The following SLC4A1AP variants were observed in gnomAD, a reference collection of about 807,000 sequenced individuals.
SLC4A1AP encodes solute carrier family 4 member 1 adaptor protein, also known as kanadaptin.
A neutral mutation model predicts 89.7 loss-of-function variants in SLC4A1AP; 64 were observed. The ratio of observed to expected loss-of-function variants is 0.71; its 90% CI spans 0.58 to 0.88. The LOEUF (loss-of-function observed/expected upper bound fraction) is 0.88. Among genes scored for constraint, SLC4A1AP ranks in the 40% least tolerant of loss-of-function variants. The pLI is 0.00. For synonymous variants in SLC4A1AP, 366 were observed against 353.3 expected, an observed-to-expected ratio of 1.04 and a Z score of -0.40; for missense variants, 931 against 965.0, an observed-to-expected ratio of 0.96 and a Z score of 0.47.
intron 12 of SLC4A1AP, among the ~76,000 whole-genome samples, chr2:27,689,542 T>C (rs1476845426): frequency 1.3e-5 from 2 of 152,202 alleles, no homozygotes; most frequent in Non-Finnish European, 2.9e-5. Context: ...ACATGCTTAA[T>C]TCCCCTAAGA....
intron 9 of SLC4A1AP, among the ~76,000 whole-genome samples, chr2:27,684,761 C>CA (rs1675676785): frequency 6.6e-6 from 1 of 152,138 alleles, no homozygotes. Flanking sequence ...CTGTAGCTGG[C>CA]ACTCATCTGA....
chr2:27,684,146 G>T (rs1382719505), intron 9 of SLC4A1AP, among the ~76,000 whole-genome samples: 2 of 152,062 alleles, frequency 1.3e-5, no homozygotes, highest in Non-Finnish European at 2.9e-5. Context: ...GATAATATAG[G>T]CCGGGCGCGG....
exon 8 of SLC4A1AP, chr2:27,677,817 G>A: frequency 6.2e-7 from 1 of 1,613,770 alleles, no homozygotes; most frequent in Non-Finnish European, 8.5e-7. Flanking sequence ...TAGATGGTGT[G>A]TCCCGGAAGA....
At chr2:27,683,861 G>A (rs552804449) in intron 9 of SLC4A1AP, among the ~76,000 whole-genome samples, 10 of 152,058 alleles carry the variant, frequency 6.6e-5, no homozygotes, top group Non-Finnish European at 1.0e-4. Flanking sequence ...TCAGCTTCCC[G>A]AGTAGCTGGG....
intron 1 of SLC4A1AP, 36 bp downstream of exon 1, chr2:27,664,613 C>T (rs776075708): frequency 6.8e-7 from 1 of 1,470,314 alleles, no homozygotes; most frequent in Non-Finnish European, 9.4e-7. Flanking sequence ...ATTTCGGGTT[C>T]ATTGGACTGC....
intron 12 of SLC4A1AP, among the ~76,000 whole-genome samples, chr2:27,690,663 G>T (rs771401986): frequency 1.3e-4 from 20 of 151,880 alleles, no homozygotes; most frequent in South Asian, 6.2e-4. Flanking sequence ...ATTTTTGTGG[G>T]TTTTTTTGTA....
chr2:27,667,973 T>G (rs533276734), intron 3 of SLC4A1AP, among the ~76,000 whole-genome samples: 1 of 152,156 alleles, frequency 6.6e-6, no homozygotes, highest in Non-Finnish European at 1.5e-5. Flanking sequence ...CTACAACTTA[T>G]AAAAGTGAAA....
At chr2:27,688,004 G>T in exon 11 of SLC4A1AP, 1 of 1,613,800 alleles carries the variant, frequency 6.2e-7, no homozygotes, top group East Asian at 2.2e-5. Flanking sequence ...CCACTTCATT[G>T]TGCGCAGGAC....
chr2:27,670,855 C>G (rs542449685), intron 5 of SLC4A1AP, among the ~76,000 whole-genome samples: 1 of 151,048 alleles, frequency 6.6e-6, no homozygotes. Flanking sequence ...AGCAAGACTC[C>G]GTCTCAAAAA....
intron 8 of SLC4A1AP, among the ~76,000 whole-genome samples, chr2:27,681,995 C>G (rs944554389): frequency 3.9e-5 from 6 of 152,154 alleles, no homozygotes; most frequent in African/African-American, 1.4e-4. Context: ...GGTGTGAAGT[C>G]ATGTAGCATG....
chr2:27,676,647 C>T (rs1410372010), intron 6 of SLC4A1AP, among the ~76,000 whole-genome samples: 2 of 151,088 alleles, frequency 1.3e-5, no homozygotes, highest in African/African-American at 4.9e-5. Flanking sequence ...TGTGGTGAAA[C>T]CCCACCTCTA....
intron 9 of SLC4A1AP, 42 bp from the exon 10 acceptor site, chr2:27,684,995 A>T: frequency 6.5e-7 from 1 of 1,548,246 alleles, no homozygotes; most frequent in South Asian, 1.3e-5. Flanking sequence ...TCTTGTTGTC[A>T]TTAAGTAGAA....
At chr2:27,679,284 T>G (rs1169907452) in intron 8 of SLC4A1AP, among the ~76,000 whole-genome samples, 1 of 152,196 alleles carries the variant, frequency 6.6e-6, no homozygotes, top group African/African-American at 2.4e-5. Context: ...AGAAATCCCC[T>G]AAATGTTTAT....
intron 8 of SLC4A1AP, among the ~76,000 whole-genome samples, chr2:27,679,489 C>G (rs1675581766): frequency 6.6e-6 from 1 of 152,046 alleles, no homozygotes; most frequent in South Asian, 2.1e-4. Context: ...GTAGTCCCAG[C>G]TACTTGGGAG....
At chr2:27,678,992 A>G (rs528362580) in intron 8 of SLC4A1AP, among the ~76,000 whole-genome samples, 1 of 152,182 alleles carries the variant, frequency 6.6e-6, no homozygotes, top group South Asian at 2.1e-4. Flanking sequence ...TGCTGGGATT[A>G]CAGGTGTGAG....
At chr2:27,690,803 C>T (rs1675776888) in intron 12 of SLC4A1AP, among the ~76,000 whole-genome samples, 1 of 152,092 alleles carries the variant, frequency 6.6e-6, no homozygotes. Flanking sequence ...GTTTTTAATT[C>T]TGTTGCTGTG....
At chr2:27,679,402 A>G (rs1675578543) in intron 8 of SLC4A1AP, among the ~76,000 whole-genome samples, 1 of 152,198 alleles carries the variant, frequency 6.6e-6, no homozygotes, top group Admixed American at 6.5e-5. Context: ...GGAGATCGAG[A>G]CCATCCTGGC....
At chr2:27,670,144 T>A (rs1216742856) in intron 5 of SLC4A1AP, among the ~76,000 whole-genome samples, 1 of 152,106 alleles carries the variant, frequency 6.6e-6, no homozygotes, top group Non-Finnish European at 1.5e-5. Flanking sequence ...ATTACAGGCA[T>A]GAGCCACCGC....
exon 14 of SLC4A1AP, chr2:27,694,950 T>C: frequency 3.1e-6 from 1 of 323,996 alleles, no homozygotes; most frequent in Non-Finnish European, 5.6e-6. Context: ...CATGATCCTA[T>C]TAAAATAAGA....
Sources: gnomAD v4.1 joint callset for allele counts (sites outside exome capture counted in the v4.1 genomes callset) on GRCh38, gnomAD v4.1.1 for gene constraint, MANE v1.5 for transcripts, NCBI Gene and HGNC (gene_info 2026-07-23, HGNC 2026-07-21) for gene names.